Variants in FGGY observed in about 807,000 individuals in gnomAD.
FGGY encodes the protein FGGY carbohydrate kinase domain containing, also known as FGGY carbohydrate kinase domain-containing protein.
Under a neutral mutation model 71.3 loss-of-function variants are expected in FGGY, and 72 were observed. The observed-to-expected ratio is 1.01, with a 90% confidence interval of 0.84 to 1.23. FGGY has a LOEUF of 1.23. Among genes scored for constraint, FGGY ranks in the 50% most tolerant of loss-of-function variants. The probability of loss-of-function intolerance (pLI) is 0.00; values close to 1 mark genes in which losing one functional copy is unlikely to be tolerated. For synonymous variants in FGGY, 251 were observed against 250.3 expected (o/e 1.00, Z -0.02); for missense variants, 668 against 682.3 (o/e 0.98, Z 0.23).
chr1:59,488,549 TTA>T (rs879691810), intron 6 of FGGY, among the ~76,000 whole-genome samples: 1 of 148,264 alleles, frequency 6.7e-6, no homozygotes, highest in African/African-American at 2.4e-5. Context: ...TATGTATATA[TTA>T]TATATATTAT....
intron 5 of FGGY, among the ~76,000 whole-genome samples, chr1:59,418,285 A>ATATCTG (rs901466005): frequency 2.0e-4 from 30 of 152,166 alleles, no homozygotes; most frequent in African/African-American, 7.0e-4. Flanking sequence ...TGACTATATG[A>ATATCTG]TATCTGTTTC....
intron 11 of FGGY, among the ~76,000 whole-genome samples, chr1:59,642,822 G>C (rs1295677628): frequency 1.3e-5 from 2 of 151,806 alleles, no homozygotes; most frequent in African/African-American, 4.8e-5. Flanking sequence ...ACGAGGTCAG[G>C]AGATCGAGAC....
intron 5 of FGGY, among the ~76,000 whole-genome samples, chr1:59,437,510 A>C (rs927518346): frequency 2.6e-5 from 4 of 152,268 alleles, no homozygotes; most frequent in Non-Finnish European, 5.9e-5. Flanking sequence ...GGGGCTGAAA[A>C]TGTATTTGCC....
chr1:59,321,510 A>G (rs1233164412), intron 1 of FGGY, 26 bp from the exon 2 acceptor site: 20 of 1,601,762 alleles, frequency 1.2e-5, no homozygotes, highest in Non-Finnish European at 1.6e-5. Flanking sequence ...TGGTCTTCAT[A>G]TGGTTTTTAC....
chr1:59,442,401 G>A (rs752505043), intron 5 of FGGY, among the ~76,000 whole-genome samples: 3 of 152,004 alleles, frequency 2.0e-5, no homozygotes, highest in Non-Finnish European at 2.9e-5. Flanking sequence ...TAATTTTAAG[G>A]CCATTTTCCT....
chr1:59,691,110 G>C (rs145587015), intron 14 of FGGY, among the ~76,000 whole-genome samples: 5 of 152,320 alleles, frequency 3.3e-5, no homozygotes, highest in African/African-American at 9.6e-5. Flanking sequence ...AAGGTGAACT[G>C]TGTCTCTGGC....
chr1:59,593,040 G>GT (rs1424421856), intron 8 of FGGY, among the ~76,000 whole-genome samples: 2 of 151,412 alleles, frequency 1.3e-5, no homozygotes, highest in African/African-American at 4.9e-5. Context: ...TAAAATAGAA[G>GT]AAACCACACA....
chr1:59,407,556 G>T (rs1395615452), intron 5 of FGGY, among the ~76,000 whole-genome samples: 1 of 151,776 alleles, frequency 6.6e-6, no homozygotes. Flanking sequence ...CACGGGGAGA[G>T]AGAAAAAAAA....
intron 7 of FGGY, among the ~76,000 whole-genome samples, chr1:59,533,015 G>A (rs1007914044): frequency 7.2e-5 from 11 of 152,294 alleles, no homozygotes; most frequent in Admixed American, 2.6e-4. Flanking sequence ...CAAGATGGCC[G>A]AATAGGAACA....
intron 5 of FGGY, among the ~76,000 whole-genome samples, chr1:59,386,237 C>A (rs182991354): frequency 7.5e-4 from 114 of 152,154 alleles, no homozygotes; most frequent in Middle Eastern, 3.4e-3. Context: ...TTTAGTCACG[C>A]CTTCTCAGGC....
At chr1:59,667,763 C>T (rs1461488681) in intron 13 of FGGY, among the ~76,000 whole-genome samples, 3 of 152,180 alleles carry the variant, frequency 2.0e-5, no homozygotes, top group Non-Finnish European at 4.4e-5. Flanking sequence ...ATGATCCTTG[C>T]TCCCCACCAC....
intron 5 of FGGY, among the ~76,000 whole-genome samples, chr1:59,419,014 T>C (rs1164967069): frequency 1.3e-5 from 2 of 151,994 alleles, no homozygotes; most frequent in Non-Finnish European, 2.9e-5. Flanking sequence ...GGTAAGACGT[T>C]TGGTATGGCT....
intron 8 of FGGY, among the ~76,000 whole-genome samples, chr1:59,564,881 G>C (rs1190021034): frequency 6.6e-6 from 1 of 152,178 alleles, no homozygotes; most frequent in Non-Finnish European, 1.5e-5. Flanking sequence ...AGCCTTTAGG[G>C]GGAATCTATC....
At chr1:59,736,659 G>C (rs2098107373) in intron 14 of FGGY, among the ~76,000 whole-genome samples, 1 of 152,202 alleles carries the variant, frequency 6.6e-6, no homozygotes, top group Non-Finnish European at 1.5e-5. Flanking sequence ...AAATTTCTAA[G>C]CAGCAAAGCA....
At chr1:59,672,344 G>A (rs1276632256) in intron 13 of FGGY, among the ~76,000 whole-genome samples, 2 of 152,200 alleles carry the variant, frequency 1.3e-5, no homozygotes, top group African/African-American at 4.8e-5. Flanking sequence ...TGTAGGCCAG[G>A]AAATATGCTA....
rs1553249164 is a variant in FGGY at position 59,499,301 on chromosome 1, T to TTTTTTTTTTTTG, written c.671-12999_671-12998insGTTTTTTTTTTT. ...TGAACCCTATGTATACTATGTTTGTTTTTTTTTTTTTTTTGATCTGGTAAC... is the reference window on the plus strand; with the variant it reads ...TGAACCCTATGTATACTATGTTTGTTTTTTTTTTTTTGTTTTTTTTTTTTTTGATCTGGTAAC... On this transcript the variant is annotated intron_variant, in intron 6 of 15. Coordinates refer to ENST00000303721, the MANE Select transcript of FGGY (RefSeq NM_018291.5). 1.1e-4 allele frequency among the ~76,000 whole-genome samples: 16 copies of TTTTTTTTTTTTG among 140,910 alleles called. 1 individual carries two copies. Among genetic ancestry groups the TTTTTTTTTTTTG allele is most frequent in the African/African-American group, 4.1e-4 (15 of 36,944 alleles). The allele number at this position is 140,910 out of a possible 152,430, so 92.4% of individuals were successfully genotyped here.
chr1:59,696,206 T>C (rs999306015), intron 14 of FGGY, among the ~76,000 whole-genome samples: 2 of 152,188 alleles, frequency 1.3e-5, no homozygotes, highest in African/African-American at 4.8e-5. Flanking sequence ...TTCCAAAATG[T>C]ACAGACATAC....
chr1:59,737,079 G>T (rs2098112535), intron 14 of FGGY, among the ~76,000 whole-genome samples: 2 of 152,392 alleles, frequency 1.3e-5, no homozygotes, highest in South Asian at 4.1e-4. Context: ...CAAGCCTCAA[G>T]CCTTGGCAGC....
chr1:59,503,562 C>G (rs2094291539), intron 6 of FGGY, among the ~76,000 whole-genome samples: 1 of 139,938 alleles, frequency 7.1e-6, no homozygotes, highest in Non-Finnish European at 1.5e-5. Flanking sequence ...CACCTATTTT[C>G]TAGGTATACG....
Sources: gnomAD v4.1 joint callset for allele counts (sites outside exome capture counted in the v4.1 genomes callset) on GRCh38, gnomAD v4.1.1 for gene constraint, MANE v1.5 for transcripts, NCBI Gene and HGNC (gene_info 2026-07-23, HGNC 2026-07-21) for gene names.